Variants in GPR89A observed in about 807,000 individuals in gnomAD.
The protein encoded by GPR89A is golgi pH regulator A, also known as G protein-coupled receptor 89A.
GPR89A carries 16 observed loss-of-function variants against 52.0 expected under a neutral mutation model. The ratio of observed to expected loss-of-function variants is 0.31; its 90% CI spans 0.21 to 0.47. The LOEUF (loss-of-function observed/expected upper bound fraction) is 0.47. Ranked by LOEUF, GPR89A falls within the 20% of genes least tolerant of loss-of-function variation. GPR89A has a pLI of 1.00. For missense variants in GPR89A, 135 were observed against 449.4 expected, an observed-to-expected ratio of 0.30 and a Z score of 6.33; for synonymous variants, 55 against 150.9, an observed-to-expected ratio of 0.36 and a Z score of 4.66.
intron 2 of GPR89A, among the ~76,000 whole-genome samples, 161 bp downstream of exon 2, chr1:145,616,454 A>G (rs1648710587): frequency 6.6e-6 from 1 of 152,122 alleles, no homozygotes; most frequent in African/African-American, 2.4e-5. Context: ...GACTTAATTG[A>G]TTTAAAAGGG....
At chr1:145,663,205 T>C (rs1277871508) in intron 10 of GPR89A, 124 bp from the exon 11 acceptor site, 19 of 1,532,830 alleles carry the variant, frequency 1.2e-5, no homozygotes, top group Non-Finnish European at 1.6e-5. Context: ...AAGAGTAGAA[T>C]TGCATTTTTA....
At chr1:145,632,600 A>G (rs1264871289) in intron 7 of GPR89A, among the ~76,000 whole-genome samples, 1 of 152,234 alleles carries the variant, frequency 6.6e-6, no homozygotes, top group African/African-American at 2.4e-5. Context: ...GCTGAATAGT[A>G]TTCTGTTGTA....
At position 145,657,546 on chromosome 1, in the gene GPR89A, G is replaced by C. The variant is rs587707395; in HGVS notation, c.910-5783G>C. 2.7e-3 allele frequency among the ~76,000 whole-genome samples: 408 copies of C among 152,256 alleles called. 1 individual carries two copies. Among genetic ancestry groups the C allele is most frequent in the African/African-American group, 9.1e-3 (378 of 41,534 alleles). ...GCCACCTCTTTAAATTAGTGGAAAA[G>C]TATGTGTGGAGATGTTGTTATTTCT... On this transcript the variant is annotated intron_variant, in intron 10 of 13. Coordinates refer to ENST00000313835, the MANE Select transcript of GPR89A (RefSeq NM_001097612.2).
chr1:145,625,584 A>G (rs1479715500), intron 5 of GPR89A, among the ~76,000 whole-genome samples: 4 of 148,120 alleles, frequency 2.7e-5, no homozygotes, highest in Non-Finnish European at 5.9e-5. Flanking sequence ...CAGGGGATCA[A>G]CCCACCTCAG....
chr1:145,611,082 C>A (rs1365837813), intron 1 of GPR89A, among the ~76,000 whole-genome samples: 1 of 150,924 alleles, frequency 6.6e-6, no homozygotes, highest in Non-Finnish European at 1.5e-5. Context: ...TTGCATTTTG[C>A]TTCTGCTTTC....
intron 10 of GPR89A, among the ~76,000 whole-genome samples, chr1:145,648,542 C>T (rs1329530314): frequency 1.3e-5 from 2 of 149,452 alleles, no homozygotes; most frequent in African/African-American, 5.0e-5. Flanking sequence ...TACAGTGGTG[C>T]GATCTCGGCT....
chr1:145,647,799 A>C (rs1476492437), intron 10 of GPR89A, among the ~76,000 whole-genome samples: 7 of 802 alleles, frequency 8.7e-3, no homozygotes, highest in South Asian at 0.029. Flanking sequence ...GCGAGACTCC[A>C]TCTCTCTCTC....
At chr1:145,628,431 T>C (rs1389572347) in intron 5 of GPR89A, among the ~76,000 whole-genome samples, 19 of 152,104 alleles carry the variant, frequency 1.2e-4, no homozygotes, top group African/African-American at 4.1e-4. Context: ...TTGGAAAATG[T>C]TGAATTTTGC....
chr1:145,620,969 A>T (rs1438029483), intron 3 of GPR89A, among the ~76,000 whole-genome samples: 1 of 152,204 alleles, frequency 6.6e-6, no homozygotes, highest in African/African-American at 2.4e-5. Flanking sequence ...CTGAAATACT[A>T]TGTAGTATTG....
chr1:145,647,879 CTATATATATATA>C (rs782172827), intron 10 of GPR89A, among the ~76,000 whole-genome samples: 357 of 24,624 alleles, frequency 0.014, 11 homozygotes, highest in Middle Eastern at 0.067. Flanking sequence ...CTCTCTCTCT[CTATATATATATA>C]TATATATATA....
intron 7 of GPR89A, among the ~76,000 whole-genome samples, chr1:145,640,328 T>TA (rs1650567323): frequency 8.7e-6 from 1 of 115,190 alleles, no homozygotes; most frequent in South Asian, 3.4e-4. Flanking sequence ...CTTTACTTGA[T>TA]ACCAAAAATA....
chr1:145,638,553 C>T (rs1553691202), intron 7 of GPR89A, among the ~76,000 whole-genome samples: 1 of 145,336 alleles, frequency 6.9e-6, no homozygotes, highest in Non-Finnish European at 1.5e-5. Context: ...GAAGAAAACT[C>T]AACAAAAGTC....
chr1:145,634,054 T>C (rs1650050277), intron 7 of GPR89A, among the ~76,000 whole-genome samples: 1 of 150,366 alleles, frequency 6.7e-6, no homozygotes, highest in Non-Finnish European at 1.5e-5. Context: ...AATTTTTGTA[T>C]TCAAAGAATG....
At chr1:145,653,093 G>T (rs1553693877) in intron 10 of GPR89A, among the ~76,000 whole-genome samples, 1 of 150,176 alleles carries the variant, frequency 6.7e-6, no homozygotes, top group East Asian at 1.9e-4. Context: ...GATCTTTCTA[G>T]CTTTTTGATA....
intron 1 of GPR89A, among the ~76,000 whole-genome samples, chr1:145,610,730 C>A (rs1483470818): frequency 6.6e-6 from 1 of 152,120 alleles, no homozygotes; most frequent in Non-Finnish European, 1.5e-5. Context: ...ATCCCTTGGA[C>A]CTGGCACATA....
intron 1 of GPR89A, among the ~76,000 whole-genome samples, chr1:145,614,169 C>T (rs146232204): frequency 6.6e-6 from 1 of 152,202 alleles, no homozygotes; most frequent in African/African-American, 2.4e-5. Flanking sequence ...TGAAACCACT[C>T]TAGAAAAATG....
chr1:145,610,979 A>C (rs1259503664), intron 1 of GPR89A, among the ~76,000 whole-genome samples: 1 of 152,142 alleles, frequency 6.6e-6, no homozygotes, highest in Non-Finnish European at 1.5e-5. Flanking sequence ...CTTAAGTCCT[A>C]AGGTCAAGAC....
In GPR89A at chr1:145,613,937, C is replaced by T. The variant is rs587620913; in HGVS notation, c.43-2297C>T. On this transcript the variant is annotated intron_variant, in intron 1 of 13. Coordinates refer to ENST00000313835, the MANE Select transcript of GPR89A (RefSeq NM_001097612.2). ...CATAAGCTGGAACTACAGGCACGCA[C>T]CACCATACCTAGCTAATTTTTGTAT... 3.3e-5 allele frequency among the ~76,000 whole-genome samples: 5 copies of T among 152,250 alleles called. No homozygotes were observed. In the East Asian group the frequency reaches 9.7e-4, roughly 29 times the overall value.
Position 145,617,139 on chromosome 1 carries a change from G to A in GPR89A, c.102+846G>A, listed in dbSNP as rs1309016165. Among the ~76,000 whole-genome samples the A allele has an allele frequency of 3.3e-5, 5 of 152,072 alleles. 1 individual carries two copies. Among genetic ancestry groups the A allele is most frequent in the Middle Eastern group, 6.3e-3 (2 of 316 alleles). ...GGTGTATTTTAGTCCTATCTCAACC[G>A]CATAAGACAGACACTCCCAGAGCGG... On this transcript the variant is annotated intron_variant, in intron 2 of 13. Transcript: ENST00000313835.
Sources: allele counts gnomAD v4.1 joint callset (sites outside exome capture counted in the v4.1 genomes callset), GRCh38; gene constraint gnomAD v4.1.1; transcripts MANE v1.5; gene names NCBI Gene and HGNC (gene_info 2026-07-23, HGNC 2026-07-21).